Variants in AGBL1 observed in about 807,000 individuals in gnomAD.
AGBL1 encodes cytosolic carboxypeptidase 4.
A neutral mutation model predicts 118.9 loss-of-function variants in AGBL1; 130 were observed. The ratio of observed to expected loss-of-function variants is 1.09; its 90% CI spans 0.95 to 1.26. The LOEUF (loss-of-function observed/expected upper bound fraction) is 1.26, where lower values mean the gene tolerates loss of function less well. Ranked by LOEUF, AGBL1 falls within the 50% of genes most tolerant of loss-of-function variation. AGBL1 has a pLI of 0.00. For missense variants in AGBL1, 1,584 were observed against 1,298.1 expected (o/e 1.22, Z -3.38); for synonymous variants, 555 against 478.9 (o/e 1.16, Z -2.08).
chr15:86,545,120 C>T (rs1348290542), intron 19 of AGBL1, among the ~76,000 whole-genome samples: 1 of 152,174 alleles, frequency 6.6e-6, no homozygotes, highest in African/African-American at 2.4e-5. Context: ...TTACCTGATT[C>T]TACCTTTGAC....
chr15:86,487,055 G>C (rs2082722090), intron 18 of AGBL1, among the ~76,000 whole-genome samples: 1 of 152,058 alleles, frequency 6.6e-6, no homozygotes, highest in Non-Finnish European at 1.5e-5. Context: ...AGGATCTGTA[G>C]CTGCCCAATA....
chr15:86,580,063 T>A (rs1272362672), intron 21 of AGBL1, among the ~76,000 whole-genome samples: 1 of 152,180 alleles, frequency 6.6e-6, no homozygotes, highest in East Asian at 1.9e-4. Flanking sequence ...ATAGATAAAG[T>A]CCATGGCCAA....
At chr15:86,650,296 A>T (rs1429985614) in intron 21 of AGBL1, among the ~76,000 whole-genome samples, 1 of 152,182 alleles carries the variant, frequency 6.6e-6, no homozygotes. Flanking sequence ...TCTTTGGCCA[A>T]TCAGATGAAA....
chr15:86,112,563 T>A (rs1161117401), intron 1 of AGBL1, among the ~76,000 whole-genome samples: 1 of 152,236 alleles, frequency 6.6e-6, no homozygotes, highest in African/African-American at 2.4e-5. Context: ...GTGATGAGGA[T>A]CTTCGCAAAT....
rs368121011 is a variant in AGBL1 at position 86,674,361 on chromosome 15, G to A, written c.3083G>A (p.Cys1028Tyr). Residue 1028 changes from cysteine to tyrosine, a missense_variant, in exon 22 of 23, where the codon TGC (cysteine) becomes TAC (tyrosine). Transcript: ENST00000614907. Reference protein sequence around the residue: ...LLILELKSASCSHQLLAQAAT... With the variant: ...LLILELKSASYSHQLLAQAAT... ...ATCCTGGAGCTCAAATCTGCCAGCT[G>A]CAGCCATCAGCTCCTGGCTCAAGCT... 7 of 1,612,730 alleles carry A rather than the reference G, an allele frequency of 4.3e-6. No individual in the cohort carries two copies. Among genetic ancestry groups the A allele is most frequent in the African/African-American group, 1.3e-5 (1 of 74,908 alleles).
At chr15:86,525,620 T>A (rs961107897) in intron 19 of AGBL1, among the ~76,000 whole-genome samples, 1 of 151,730 alleles carries the variant, frequency 6.6e-6, no homozygotes, top group African/African-American at 2.4e-5. Flanking sequence ...GTAGAAAAAA[T>A]ATATATTCAG....
At chr15:86,972,299 C>T (rs1251114672) in intron 23 of AGBL1, among the ~76,000 whole-genome samples, 1 of 151,926 alleles carries the variant, frequency 6.6e-6, no homozygotes, top group African/African-American at 2.4e-5. Flanking sequence ...CAACATTTGG[C>T]ATTCCTGAAA....
At chr15:86,411,916 C>A (rs1245167405) in intron 18 of AGBL1, among the ~76,000 whole-genome samples, 1 of 152,132 alleles carries the variant, frequency 6.6e-6, no homozygotes, top group Non-Finnish European at 1.5e-5. Context: ...TTACTCTGTT[C>A]ATACCCTGCT....
intron 17 of AGBL1, among the ~76,000 whole-genome samples, chr15:86,367,903 G>T (rs1237822554): frequency 1.3e-5 from 2 of 152,172 alleles, no homozygotes; most frequent in African/African-American, 4.8e-5. Flanking sequence ...TGGGCTCTAA[G>T]ACTAGAAGGA....
chr15:86,548,663 G>GCGCA (rs1028988193), intron 20 of AGBL1, among the ~76,000 whole-genome samples: 20 of 142,694 alleles, frequency 1.4e-4, no homozygotes, highest in African/African-American at 5.2e-4. Flanking sequence ...ACACATGCAC[G>GCGCA]CACACACACA....
At chr15:86,700,529 G>A (rs542558791) in intron 22 of AGBL1, among the ~76,000 whole-genome samples, 2 of 150,398 alleles carry the variant, frequency 1.3e-5, no homozygotes, top group East Asian at 3.9e-4. Context: ...TCTTGAAGTG[G>A]TCTTTCTCTT....
At chr15:86,230,282 G>A (rs756215303) in intron 6 of AGBL1, among the ~76,000 whole-genome samples, 1 of 152,226 alleles carries the variant, frequency 6.6e-6, no homozygotes, top group Non-Finnish European at 1.5e-5. Flanking sequence ...ACGGGAGAAT[G>A]TGATTGATGG....
intron 8 of AGBL1, 98 bp downstream of exon 8, chr15:86,257,116 G>T: frequency 7.7e-7 from 1 of 1,292,636 alleles, no homozygotes; most frequent in Non-Finnish European, 1.1e-6. Flanking sequence ...TTATTTTATA[G>T]GTCAACCATA....
chr15:86,249,910 C>G (rs2078783349), intron 7 of AGBL1, among the ~76,000 whole-genome samples: 1 of 152,146 alleles, frequency 6.6e-6, no homozygotes, highest in African/African-American at 2.4e-5. Flanking sequence ...CAAAACAGTT[C>G]CTTATCAGGT....
chr15:86,327,425 G>A (rs2080200184), intron 17 of AGBL1, among the ~76,000 whole-genome samples: 1 of 152,206 alleles, frequency 6.6e-6, no homozygotes, highest in Non-Finnish European at 1.5e-5. Context: ...CAACATCTCT[G>A]ACTCATTCTC....
chr15:86,435,172 T>A lies in AGBL1; in HGVS notation c.2555+37626T>A, dbSNP rs142998946. On this transcript the variant is annotated intron_variant, in intron 18 of 22. Coordinates refer to ENST00000614907, the MANE Select transcript of AGBL1 (RefSeq NM_001386094.1). Reference sequence around the variant, plus strand: ...ATTTGTCATTAACCTACCAAGTAAATCTCTACATAAGCACATATGAGTCCC... The same window carrying A: ...ATTTGTCATTAACCTACCAAGTAAAACTCTACATAAGCACATATGAGTCCC... 5.3e-5 allele frequency among the ~76,000 whole-genome samples: 8 copies of A among 151,814 alleles called. No homozygotes were observed. The East Asian group carries it at 1.6e-3, about 30-fold the overall frequency.
At chr15:86,919,165 G>A (rs1176536174), downstream of AGBL1, among the ~76,000 whole-genome samples, 1 of 152,146 alleles carries the variant, frequency 6.6e-6, no homozygotes, top group Non-Finnish European at 1.5e-5. Flanking sequence ...ATCCTAAACT[G>A]TTACTGTTCC....
At chr15:87,012,386 G>A (rs556750879) in intron 24 of AGBL1, among the ~76,000 whole-genome samples, 14 of 152,096 alleles carry the variant, frequency 9.2e-5, no homozygotes, top group Non-Finnish European at 1.6e-4. Flanking sequence ...GATTATACTT[G>A]TAAATGTTTA....
chr15:86,457,800 C>A (rs1055153600), intron 18 of AGBL1, among the ~76,000 whole-genome samples: 1 of 152,060 alleles, frequency 6.6e-6, no homozygotes, highest in Non-Finnish European at 1.5e-5. Context: ...AATAATCTAC[C>A]AGCAAAAGAA....
Sources: allele counts gnomAD v4.1 joint callset (sites outside exome capture counted in the v4.1 genomes callset), GRCh38; gene constraint gnomAD v4.1.1; transcripts MANE v1.5; gene names NCBI Gene and HGNC (gene_info 2026-07-23, HGNC 2026-07-21).